Variants in LINGO1 observed in about 807,000 individuals in gnomAD.
The protein encoded by LINGO1 is leucine rich repeat and Ig domain containing 1, also known as leucine-rich repeat and immunoglobulin-like domain-containing nogo receptor-interacting protein 1.
A neutral mutation model predicts 37.3 loss-of-function variants in LINGO1; 11 were observed. The ratio of observed to expected loss-of-function variants is 0.29; its 90% CI spans 0.19 to 0.49. LINGO1 has a LOEUF of 0.49. Ranked by LOEUF, LINGO1 falls within the 20% of genes least tolerant of loss-of-function variation. LINGO1 has a pLI of 0.99. For missense variants in LINGO1, 585 were observed against 878.2 expected, an observed-to-expected ratio of 0.67 and a Z score of 4.22; for synonymous variants, 387 against 403.0, an observed-to-expected ratio of 0.96 and a Z score of 0.48.
chr15:77,761,827 C>T (rs2076480167), intron 1 of LINGO1, among the ~76,000 whole-genome samples: 2 of 152,200 alleles, frequency 1.3e-5, no homozygotes, highest in Non-Finnish European at 2.9e-5. Context: ...CCCAAAGGAG[C>T]TCATTGAGGC....
At chr15:77,686,963 C>A (rs2075521418) in intron 2 of LINGO1, among the ~76,000 whole-genome samples, 1 of 152,214 alleles carries the variant, frequency 6.6e-6, no homozygotes, top group Non-Finnish European at 1.5e-5. Context: ...AGGAGCCTTG[C>A]CCAGAGACAG....
intron 1 of LINGO1, among the ~76,000 whole-genome samples, chr15:77,774,093 T>C (rs1219497599): frequency 1.3e-5 from 2 of 152,062 alleles, no homozygotes; most frequent in Non-Finnish European, 2.9e-5. Flanking sequence ...AGGGATGCCA[T>C]GGGCATCGAT....
intron 1 of LINGO1, among the ~76,000 whole-genome samples, chr15:77,756,477 GACAGACAGACAC>G (rs926460033): frequency 4.1e-5 from 5 of 122,824 alleles, no homozygotes; most frequent in African/African-American, 1.8e-4. Context: ...TACAATGACA[GACAGACAGACAC>G]ACACACACAC....
At chr15:77,818,701 C>T (rs990088284) in intron 1 of LINGO1, among the ~76,000 whole-genome samples, 1 of 152,080 alleles carries the variant, frequency 6.6e-6, no homozygotes, top group Non-Finnish European at 1.5e-5. Context: ...CAAAGACATC[C>T]CAGGCCCTGG....
At chr15:77,732,417 G>A (rs190632291) in intron 2 of LINGO1, among the ~76,000 whole-genome samples, 15 of 152,362 alleles carry the variant, frequency 9.8e-5, no homozygotes, top group Admixed American at 3.3e-4. Context: ...TTCTGCTCCC[G>A]TTTTAGAAAT....
At chr15:77,740,025 C>T (rs1311637808) in intron 1 of LINGO1, among the ~76,000 whole-genome samples, 2 of 152,276 alleles carry the variant, frequency 1.3e-5, no homozygotes, top group Non-Finnish European at 2.9e-5. Flanking sequence ...TCACCAAACC[C>T]TTCTGATTCC....
At chr15:77,731,036 A>G (rs1037145829) in intron 2 of LINGO1, among the ~76,000 whole-genome samples, 2 of 152,202 alleles carry the variant, frequency 1.3e-5, no homozygotes, top group Admixed American at 6.5e-5. Context: ...GTGGCCTTGG[A>G]TAACGGGAGA....
chr15:77,755,047 G>A lies in LINGO1; in HGVS notation c.-256-19994C>T, dbSNP rs531102797. Among the ~76,000 whole-genome samples, 10 of 152,330 alleles carry A rather than the reference G, an allele frequency of 6.6e-5. No homozygotes were observed. The South Asian group carries it at 1.0e-3, about 16-fold the overall frequency. On this transcript the variant is annotated intron_variant, in intron 1 of 3. Transcript: ENST00000561686. Reference sequence around the variant, plus strand: ...TCTGCCAGCCACGTCTGTAGGGAAGGAGACCAAGCCACAGATGGATGCACA... The same window carrying A: ...TCTGCCAGCCACGTCTGTAGGGAAGAAGACCAAGCCACAGATGGATGCACA...
At chr15:77,733,867 C>T (rs976567070) in intron 2 of LINGO1, among the ~76,000 whole-genome samples, 4 of 152,330 alleles carry the variant, frequency 2.6e-5, no homozygotes, top group Admixed American at 1.3e-4. Context: ...TGCACTTCTC[C>T]GATCCCCAGA....
chr15:77,677,063 G>A (rs2075340143), intron 3 of LINGO1: 1 of 152,246 alleles, frequency 6.6e-6, no homozygotes, highest in South Asian at 2.1e-4. Flanking sequence ...CATGAGGCAG[G>A]GTGAGACTGC....
At chr15:77,651,133 T>C (rs568022245) in intron 3 of LINGO1, among the ~76,000 whole-genome samples, 4 of 152,248 alleles carry the variant, frequency 2.6e-5, no homozygotes, top group South Asian at 2.1e-4. Context: ...GGAAACTGCA[T>C]TGGAGGGAAG....
intron 2 of LINGO1, among the ~76,000 whole-genome samples, chr15:77,722,938 G>A (rs976642225): frequency 2.6e-5 from 4 of 152,308 alleles, no homozygotes; most frequent in African/African-American, 7.2e-5. Flanking sequence ...AGGGCGCTCC[G>A]GGGCTGGGCC....
chr15:77,615,082 C>T lies in LINGO1; in HGVS notation c.825G>A (p.Leu275=). The T allele has an allele frequency of 6.2e-7, 1 of 1,613,960 alleles. No homozygotes were observed. The highest frequency in any genetic ancestry group is 8.5e-7 in the Non-Finnish European group (1 of 1,179,900). The change falls in exon 2 of 2, where the codon CTG becomes CTA. Residue 275 remains leucine (L), a synonymous_variant. Coordinates refer to ENST00000355300, the MANE Select transcript of LINGO1 (RefSeq NM_032808.7). ...LTSLSITHCN[L]TAVPYLAVRH... ...GGACGGCCAGGTAGGGCACAGCGGT[C>T]AGATTGCAGTGTGTGATGGACAGGG...
intron 2 of LINGO1, among the ~76,000 whole-genome samples, chr15:77,718,019 C>T (rs1319671020): frequency 6.6e-6 from 1 of 150,792 alleles, no homozygotes; most frequent in African/African-American, 2.4e-5. Flanking sequence ...GGGAGCAGGG[C>T]CGAGGCCTGC....
intron 3 of LINGO1, among the ~76,000 whole-genome samples, chr15:77,675,422 A>T (rs1428423065): frequency 6.6e-6 from 1 of 152,234 alleles, no homozygotes; most frequent in African/African-American, 2.4e-5. Context: ...TGATTTGTAG[A>T]CCATCATACA....
intron 1 of LINGO1, among the ~76,000 whole-genome samples, chr15:77,810,270 A>C (rs9707796): frequency 8.3e-6 from 1 of 121,076 alleles, no homozygotes; most frequent in African/African-American, 2.6e-5. Context: ...GCACACACTC[A>C]CACACACATA....
intron 3 of LINGO1, among the ~76,000 whole-genome samples, chr15:77,666,553 T>G (rs1348523707): frequency 6.6e-6 from 1 of 152,194 alleles, no homozygotes; most frequent in Non-Finnish European, 1.5e-5. Flanking sequence ...ACTTAGGGGC[T>G]GAAGCTGGAG....
At chr15:77,799,075 G>A (rs1057362191) in intron 1 of LINGO1, among the ~76,000 whole-genome samples, 4 of 152,236 alleles carry the variant, frequency 2.6e-5, no homozygotes, top group African/African-American at 9.6e-5. Flanking sequence ...CCAGGGTCAG[G>A]GTCACACAGA....
intron 1 of LINGO1, among the ~76,000 whole-genome samples, chr15:77,781,392 G>T (rs1191251392): frequency 1.3e-5 from 2 of 152,212 alleles, no homozygotes; most frequent in South Asian, 2.1e-4. Flanking sequence ...GGCTCTGAAT[G>T]GCAGCAGTGA....
Sources: gnomAD v4.1 joint callset for allele counts (sites outside exome capture counted in the v4.1 genomes callset) on GRCh38, gnomAD v4.1.1 for gene constraint, MANE v1.5 for transcripts, NCBI Gene and HGNC (gene_info 2026-07-23, HGNC 2026-07-21) for gene names.